Variants in SYT16 observed in about 807,000 individuals in gnomAD.
SYT16 encodes synaptotagmin 16, also known as synaptotagmin-16.
Under a neutral mutation model 61.4 loss-of-function variants are expected in SYT16, and 42 were observed. That is an observed-to-expected ratio of 0.68 (90% CI 0.53 to 0.89). The LOEUF (loss-of-function observed/expected upper bound fraction) is 0.89, where lower values mean the gene tolerates loss of function less well. Ranked by LOEUF, SYT16 falls within the 40% of genes least tolerant of loss-of-function variation. The pLI, the probability that SYT16 is intolerant of heterozygous loss-of-function variation, is 0.00. For missense variants in SYT16, 804 were observed against 807.3 expected (o/e 1.00, Z 0.05); for synonymous variants, 314 against 302.3 (o/e 1.04, Z -0.40).
intron 4 of SYT16, among the ~76,000 whole-genome samples, chr14:62,070,878 C>T (rs1464558217): frequency 2.0e-5 from 3 of 152,000 alleles, no homozygotes; most frequent in Non-Finnish European, 4.4e-5. Flanking sequence ...CAAACCCAGA[C>T]AGATAAAAAG....
In SYT16 at chr14:62,000,098, GATTT is replaced by G. The variant is rs1420681454; in HGVS notation, c.523+3557_523+3560del. ...TTTTCTAATACTTATTTTGTCTCTC[GATTT>G]TTTTTTTTTTTTTTTTTTTTTTTTT... On this transcript the variant is annotated intron_variant, in intron 3 of 7. Coordinates refer to ENST00000683842, the MANE Select transcript of SYT16 (RefSeq NM_001367656.1). Among the ~76,000 whole-genome samples, 136 of 35,496 alleles carry G rather than the reference GATTT, an allele frequency of 3.8e-3. 12 individuals carry two copies. The highest frequency in any genetic ancestry group is 9.7e-3 in the South Asian group (8 of 828). 23.3% of individuals were successfully genotyped at this position (35,496 alleles called of 152,430 possible).
chr14:62,046,399 A>G (rs961054403), intron 3 of SYT16, among the ~76,000 whole-genome samples: 1 of 151,934 alleles, frequency 6.6e-6, no homozygotes, highest in African/African-American at 2.4e-5. Context: ...CCCATTCTGT[A>G]GGTTGCCTGT....
intron 5 of SYT16, 34 bp downstream of exon 5, chr14:62,075,425 C>A (rs764288641): frequency 2.7e-5 from 43 of 1,566,546 alleles, no homozygotes; most frequent in Middle Eastern, 3.6e-4. Context: ...TTCATTGGTT[C>A]CCTTTCCCCT....
chr14:62,098,276 T>C lies in SYT16; in HGVS notation c.1625-2118T>C, dbSNP rs552798691. Among the ~76,000 whole-genome samples the C allele has an allele frequency of 7.2e-5, 11 of 152,340 alleles. No individual in the cohort carries two copies. In the South Asian group the frequency reaches 2.3e-3, roughly 32 times the overall value. On this transcript the variant is annotated intron_variant, in intron 7 of 7. Transcript: ENST00000683842. ...ACACTAATCAGCTTGCTGCCTGCAT[T>C]GAACAGAATGTACAGAATGATTGAA...
At chr14:61,949,458 T>A (rs1030591449) in intron 1 of SYT16, among the ~76,000 whole-genome samples, 2 of 152,278 alleles carry the variant, frequency 1.3e-5, no homozygotes, top group African/African-American at 2.4e-5. Flanking sequence ...TTTCCTTTTT[T>A]AAAAAGAGAT....
At position 61,996,016 on chromosome 14, in the gene SYT16, G is replaced by T; in HGVS notation, c.-4G>T. ...TGGACACTGTAGACATCAGATAGCTGGCCATGGTGTTGGCCATGGCGTCTC... is the reference window on the plus strand; with the variant it reads ...TGGACACTGTAGACATCAGATAGCTTGCCATGGTGTTGGCCATGGCGTCTC... On this transcript the variant is annotated 5_prime_UTR_variant, in exon 3 of 8. Coordinates refer to ENST00000683842, the MANE Select transcript of SYT16 (RefSeq NM_001367656.1). 6.3e-7 allele frequency: 1 copy of T among 1,577,054 alleles called. No homozygotes were observed. Among genetic ancestry groups the T allele is most frequent in the Non-Finnish European group, 8.6e-7 (1 of 1,161,988 alleles).
At chr14:61,836,029 G>T (rs1430846599) in intron 1 of SYT16, among the ~76,000 whole-genome samples, 2 of 152,162 alleles carry the variant, frequency 1.3e-5, no homozygotes, top group African/African-American at 4.8e-5. Context: ...ATCAGAACTT[G>T]TATCAGATCC....
intron 3 of SYT16, among the ~76,000 whole-genome samples, chr14:62,004,325 T>C (rs1271853598): frequency 6.6e-6 from 1 of 152,068 alleles, no homozygotes; most frequent in Non-Finnish European, 1.5e-5. Context: ...TCATGAGTAC[T>C]CCCTCATTAT....
rs571557459 is a variant in SYT16 at position 61,860,781 on chromosome 14, C to A, written c.-325+47971C>A. Reference sequence around the variant, plus strand: ...GCCATGAATTTCATGTGAGGCCATTCGATTCAAGAGTGTTTTTCTCCAGCC... The same window carrying A: ...GCCATGAATTTCATGTGAGGCCATTAGATTCAAGAGTGTTTTTCTCCAGCC... On this transcript the variant is annotated intron_variant, in intron 1 of 7. Coordinates refer to ENST00000683842, the MANE Select transcript of SYT16 (RefSeq NM_001367656.1). 7.4e-4 allele frequency among the ~76,000 whole-genome samples: 112 copies of A among 152,264 alleles called. 3 individuals carry two copies. In the South Asian group the frequency reaches 0.023, roughly 31 times the overall value.
chr14:61,981,760 A>G (rs2052088060), intron 2 of SYT16, among the ~76,000 whole-genome samples: 1 of 152,138 alleles, frequency 6.6e-6, no homozygotes, highest in East Asian at 1.9e-4. Context: ...AGGGAACTAG[A>G]AGTCATTTGA....
At chr14:62,000,060 C>T (rs1306781724) in intron 3 of SYT16, among the ~76,000 whole-genome samples, 1 of 72,336 alleles carries the variant, frequency 1.4e-5, no homozygotes, top group East Asian at 4.9e-4. Context: ...TTTCTTGAGG[C>T]TATTTTTTCT....
intron 7 of SYT16, among the ~76,000 whole-genome samples, chr14:62,088,688 A>G (rs2056968754): frequency 6.6e-6 from 1 of 152,198 alleles, no homozygotes; most frequent in Non-Finnish European, 1.5e-5. Flanking sequence ...TTTAGCATTG[A>G]AGAGCAACAA....
intron 1 of SYT16, among the ~76,000 whole-genome samples, chr14:61,873,278 A>G (rs2047386529): frequency 6.6e-6 from 1 of 152,222 alleles, no homozygotes; most frequent in Admixed American, 6.5e-5. Context: ...GGCTTTTCCC[A>G]TTATCTGAAG....
At chr14:62,067,852 G>A (rs1405271104) in intron 3 of SYT16, among the ~76,000 whole-genome samples, 4 of 152,078 alleles carry the variant, frequency 2.6e-5, no homozygotes, top group African/African-American at 9.7e-5. Context: ...TGGGTATGGT[G>A]GTGCATGCCT....
chr14:61,972,179 C>T (rs147466959), intron 2 of SYT16, among the ~76,000 whole-genome samples: 1 of 152,296 alleles, frequency 6.6e-6, no homozygotes, highest in East Asian at 1.9e-4. Context: ...TAGCAAGTCA[C>T]AGTAATGGCT....
intron 3 of SYT16, among the ~76,000 whole-genome samples, chr14:62,023,722 A>G (rs756306595): frequency 8.5e-5 from 13 of 152,110 alleles, no homozygotes; most frequent in Non-Finnish European, 1.5e-4. Flanking sequence ...TGTTCAAACA[A>G]TTGTGTATAT....
Position 62,109,848 on chromosome 14 carries a change from C to CT in SYT16, c.*9144dup, listed in dbSNP as rs1486075715. The CT allele has an allele frequency of 6.6e-6, 1 of 152,112 alleles. No homozygotes were observed. Among genetic ancestry groups the CT allele is most frequent in the South Asian group, 2.1e-4 (1 of 4,822 alleles). The allele number at this position is 152,112 out of a possible 1,614,324, so 9.4% of individuals were successfully genotyped here. On this transcript the variant is annotated 3_prime_UTR_variant, in exon 8 of 8. Transcript: ENST00000683842. ...ACCACTCCTGCCAAGAGAAAGGAAGCTTTGTGATTGTGCCCCGTCATAGTT... is the reference window on the plus strand; with the variant it reads ...ACCACTCCTGCCAAGAGAAAGGAAGCTTTTGTGATTGTGCCCCGTCATAGTT...
At chr14:62,010,485 C>G (rs558213330) in intron 3 of SYT16, among the ~76,000 whole-genome samples, 27 of 152,110 alleles carry the variant, frequency 1.8e-4, no homozygotes, top group African/African-American at 6.5e-4. Context: ...CTGGTCATGC[C>G]CTGGGGTGGG....
At chr14:61,993,235 G>A (rs1311875175) in intron 2 of SYT16, among the ~76,000 whole-genome samples, 1 of 151,758 alleles carries the variant, frequency 6.6e-6, no homozygotes, top group Non-Finnish European at 1.5e-5. Flanking sequence ...GACACAGGAA[G>A]GGGAACATCA....
Sources: gnomAD v4.1 joint callset for allele counts (sites outside exome capture counted in the v4.1 genomes callset) on GRCh38, gnomAD v4.1.1 for gene constraint, MANE v1.5 for transcripts, NCBI Gene and HGNC (gene_info 2026-07-23, HGNC 2026-07-21) for gene names.